The following GLT8D2 variants were observed in gnomAD, a reference collection of about 807,000 sequenced individuals.
The protein encoded by GLT8D2 is glycosyltransferase 8 domain containing 2.
Under a neutral mutation model 44.5 loss-of-function variants are expected in GLT8D2, and 45 were observed. The ratio of observed to expected loss-of-function variants is 1.01; its 90% confidence interval spans 0.80 to 1.30. The LOEUF is 1.30. Ranked by LOEUF, GLT8D2 falls within the 50% of genes most tolerant of loss-of-function variation. GLT8D2 has a pLI of 0.00. For missense variants in GLT8D2, 400 were observed against 430.4 expected, an observed-to-expected ratio of 0.93 and a Z score of 0.62; for synonymous variants, 156 against 157.2, an observed-to-expected ratio of 0.99 and a Z score of 0.06.
intron 3 of GLT8D2, among the ~76,000 whole-genome samples, chr12:104,019,116 TTC>T (rs1877282063): frequency 7.9e-6 from 1 of 126,562 alleles, no homozygotes; most frequent in South Asian, 2.8e-4. Flanking sequence ...CCACTTCTTC[TTC>T]TTTTTTTTTT....
At chr12:104,018,683 G>A (rs1258029071) in intron 3 of GLT8D2, among the ~76,000 whole-genome samples, 1 of 152,136 alleles carries the variant, frequency 6.6e-6, no homozygotes, top group Non-Finnish European at 1.5e-5. Flanking sequence ...AGACTAGCCT[G>A]GCTAACATGG....
At chr12:104,021,918 GA>G (rs1566202291) in intron 1 of GLT8D2, among the ~76,000 whole-genome samples, 2,114 of 23,002 alleles carry the variant, frequency 0.092, 150 homozygotes, top group East Asian at 0.26. Flanking sequence ...AGAAGAAGAA[GA>G]AGAAGAAGAA....
chr12:104,052,566 A>G (rs1275129018), upstream of GLT8D2, among the ~76,000 whole-genome samples: 1 of 152,154 alleles, frequency 6.6e-6, no homozygotes, highest in Non-Finnish European at 1.5e-5. Context: ...GTTAAGTGGC[A>G]TGGCATCCAC....
At chr12:103,999,702 TC>T (rs1309002799) in intron 5 of GLT8D2, among the ~76,000 whole-genome samples, 188 bp from the exon 6 acceptor site, 2 of 152,164 alleles carry the variant, frequency 1.3e-5, no homozygotes, top group African/African-American at 4.8e-5. Context: ...AATCTTTTTT[TC>T]CCCTCAATCA....
chr12:104,008,010 C>T (rs571093116), intron 4 of GLT8D2, among the ~76,000 whole-genome samples: 6 of 152,346 alleles, frequency 3.9e-5, no homozygotes, highest in East Asian at 3.9e-4. Context: ...CCGATTAAAA[C>T]TCTTTTTCTT....
intron 1 of GLT8D2, among the ~76,000 whole-genome samples, chr12:104,058,578 T>C (rs577207486): frequency 1.3e-5 from 2 of 152,314 alleles, no homozygotes; most frequent in African/African-American, 2.4e-5. Context: ...TCCCATTTTA[T>C]AGACAAAGAA....
chr12:104,041,393 G>A (rs917497755), intron 1 of GLT8D2, among the ~76,000 whole-genome samples: 5 of 152,156 alleles, frequency 3.3e-5, no homozygotes, highest in Non-Finnish European at 5.9e-5. Flanking sequence ...CAGCCTGGGC[G>A]ACAGAAAGAG....
chr12:103,999,537 C>G (rs1566191862), intron 5 of GLT8D2, 23 bp from the exon 6 acceptor site: 1 of 1,361,116 alleles, frequency 7.3e-7, no homozygotes, highest in African/African-American at 1.4e-5. Flanking sequence ...CCAAAAAAAC[C>G]TCTAGTATAC....
intron 1 of GLT8D2, among the ~76,000 whole-genome samples, chr12:104,055,556 C>A (rs1882112920): frequency 6.6e-6 from 1 of 152,136 alleles, no homozygotes; most frequent in South Asian, 2.1e-4. Context: ...TGAGTGCAAC[C>A]CCATGCAATA....
chr12:104,019,483 A>G, intron 3 of GLT8D2, 147 bp downstream of exon 3: 1 of 662,792 alleles, frequency 1.5e-6, no homozygotes, highest in Non-Finnish European at 2.6e-6. Context: ...ATCATCTGGA[A>G]ATGATGATGC....
intron 4 of GLT8D2, among the ~76,000 whole-genome samples, chr12:104,009,853 C>T (rs561821146): frequency 2.0e-5 from 3 of 152,228 alleles, no homozygotes; most frequent in Non-Finnish European, 2.9e-5. Context: ...TTTTCTTTTG[C>T]TGCTGCCATG....
At chr12:104,019,279 C>G (rs1206704350) in intron 3 of GLT8D2, among the ~76,000 whole-genome samples, 1 of 152,032 alleles carries the variant, frequency 6.6e-6, no homozygotes, top group Non-Finnish European at 1.5e-5. Context: ...AGGTGTCCGC[C>G]ACCATGCCTG....
chr12:103,989,495 C>T lies in GLT8D2; in HGVS notation c.963G>A (p.Trp321Ter), dbSNP rs772666198. ...AGTCGTTGTGAACACTAGGGAAGTC[C>T]CAAGGTTTATGTCTTCCATTCCAGT... ...LLHWNGRHKPWDFPSVHNDLW... is the reference protein window; with the variant it reads ...LLHWNGRHKP Residue 321 changes from tryptophan to a stop codon, truncating the protein, a stop_gained, in exon 11 of 11, where the codon TGG becomes TGA. Transcript: ENST00000360814. LOFTEE classifies it high-confidence loss of function. The T allele has an allele frequency of 6.2e-7, 1 of 1,613,492 alleles. No individual in the cohort carries two copies.
At chr12:104,037,602 T>C (rs755810509) in intron 1 of GLT8D2, among the ~76,000 whole-genome samples, 1 of 152,130 alleles carries the variant, frequency 6.6e-6, no homozygotes, top group Non-Finnish European at 1.5e-5. Flanking sequence ...CAGGAAGAAG[T>C]TGAATCTCTG....
chr12:103,990,252 A>T (rs1189484864), intron 10 of GLT8D2, among the ~76,000 whole-genome samples: 1 of 151,482 alleles, frequency 6.6e-6, no homozygotes, highest in African/African-American at 2.4e-5. Flanking sequence ...CCCACCCAAG[A>T]GTTTATAGGG....
chr12:103,994,398 A>G lies in GLT8D2; in HGVS notation c.704T>C (p.Met235Thr), dbSNP rs746162227. ...SFNPGVIVAN[M>T]TEWKHQRITK... ...GATGCGCTGGTGCTTCCATTCTGTC[A>G]TGTTGGCAACAATCACACCAGGATT... Residue 235 changes from methionine to threonine, a missense_variant, in exon 9 of 11, where the codon ATG (methionine) becomes ACG (threonine). Physicochemically the swap from Met to Thr is moderately conservative, Grantham distance 81 (BLOSUM62 -1). Coordinates refer to ENST00000360814, the MANE Select transcript of GLT8D2 (RefSeq NM_001384711.1). The G allele has an allele frequency of 1.2e-6, 2 of 1,614,054 alleles. No individual in the cohort carries two copies. Among genetic ancestry groups the G allele is most frequent in the Non-Finnish European group, 1.7e-6 (2 of 1,179,966 alleles).
At chr12:104,019,562 G>A (rs1414495351) in intron 3 of GLT8D2, 68 bp downstream of exon 3, 4 of 1,239,038 alleles carry the variant, frequency 3.2e-6, no homozygotes, top group African/African-American at 1.5e-5. Context: ...AAAGAGCCAA[G>A]CCCCAGCCTC....
intron 1 of GLT8D2, among the ~76,000 whole-genome samples, chr12:104,026,215 G>C (rs980446733): frequency 1.3e-5 from 2 of 150,042 alleles, no homozygotes; most frequent in African/African-American, 4.9e-5. Flanking sequence ...CGAGAAGGGG[G>C]TTGCAGTGAG....
chr12:104,036,274 A>G (rs1825951364), intron 1 of GLT8D2, among the ~76,000 whole-genome samples: 1 of 152,236 alleles, frequency 6.6e-6, no homozygotes, highest in African/African-American at 2.4e-5. Flanking sequence ...ATAACCAACT[A>G]ACATCATAAT....
Sources: allele counts gnomAD v4.1 joint callset (sites outside exome capture counted in the v4.1 genomes callset), GRCh38; gene constraint gnomAD v4.1.1; transcripts MANE v1.5; gene names NCBI Gene and HGNC (gene_info 2026-07-23, HGNC 2026-07-21).